TMPRSS7: variants seen among roughly 807,000 people sequenced by gnomAD.
TMPRSS7 encodes the protein transmembrane serine protease 7, also known as transmembrane protease serine 7.
A neutral mutation model predicts 95.6 loss-of-function variants in TMPRSS7; 81 were observed. The observed-to-expected ratio is 0.85, with a 90% CI of 0.71 to 1.02. The LOEUF (loss-of-function observed/expected upper bound fraction) is 1.02. Ranked by LOEUF, TMPRSS7 falls within the 50% of genes least tolerant of loss-of-function variation. TMPRSS7 has a pLI of 0.00. For missense variants in TMPRSS7, 945 were observed against 955.2 expected, an observed-to-expected ratio of 0.99 and a Z score of 0.14; for synonymous variants, 364 against 337.8, an observed-to-expected ratio of 1.08 and a Z score of -0.85.
At chr3:112,045,664 T>A in intron 4 of TMPRSS7, 86 bp from the exon 5 acceptor site, 1 of 1,322,878 alleles carries the variant, frequency 7.6e-7, no homozygotes, top group Non-Finnish European at 1.0e-6. Context: ...ATGTGCTCAT[T>A]GGCCTTACCT....
intron 2 of TMPRSS7, among the ~76,000 whole-genome samples, chr3:112,041,235 C>T (rs552567310): frequency 1.3e-5 from 2 of 152,052 alleles, no homozygotes; most frequent in Admixed American, 6.5e-5. Flanking sequence ...GAGTTCAATC[C>T]TTCTGCCCCT....
At chr3:112,036,399 T>A (rs2073150290) in intron 1 of TMPRSS7, among the ~76,000 whole-genome samples, 1 of 152,098 alleles carries the variant, frequency 6.6e-6, no homozygotes. Flanking sequence ...TGAAACCGCA[T>A]CTCTACTACA....
intron 16 of TMPRSS7, among the ~76,000 whole-genome samples, chr3:112,078,398 C>T (rs187397959): frequency 4.1e-4 from 63 of 152,294 alleles, no homozygotes; most frequent in Non-Finnish European, 7.5e-4. Context: ...ATTTAAAGAG[C>T]TCTCTTGAAT....
At position 112,049,872 on chromosome 3, in the gene TMPRSS7, T is replaced by A. The variant is rs758465977; in HGVS notation, c.988T>A (p.Ser330Thr). The A allele has an allele frequency of 5.8e-6, 9 of 1,545,754 alleles. No homozygotes were observed. The Admixed American group carries it at 7.0e-5, about 12-fold the overall frequency. Residue 330 changes from serine to threonine, a missense_variant, in exon 8 of 18, where the codon TCA (serine) becomes ACA (threonine). Ser to Thr is a moderately conservative substitution (Grantham distance 58, BLOSUM62 1). Transcript: ENST00000452346. The stretch of plus-strand genomic sequence containing the variant: ...TTGTGAACCCACAAGAACATTAATG[T>A]CATTTGTTTCTACAAATAATCTCAT...
At chr3:112,076,164 C>T (rs1257053633) in intron 15 of TMPRSS7, among the ~76,000 whole-genome samples, 1 of 152,178 alleles carries the variant, frequency 6.6e-6, no homozygotes, top group African/African-American at 2.4e-5. Flanking sequence ...ATCAGCTAAG[C>T]AAATTAGTGA....
intron 13 of TMPRSS7, among the ~76,000 whole-genome samples, chr3:112,072,930 C>T (rs2073667962): frequency 6.6e-6 from 1 of 152,172 alleles, no homozygotes; most frequent in African/African-American, 2.4e-5. Context: ...GGTATATACC[C>T]AGTAATGGGA....
At chr3:112,063,500 T>G in intron 11 of TMPRSS7, 25 bp from the exon 12 acceptor site, 1 of 1,582,516 alleles carries the variant, frequency 6.3e-7, no homozygotes, top group Non-Finnish European at 8.7e-7. Context: ...AGATTTTCTA[T>G]TTTTTGATTT....
chr3:112,049,904 G>A, exon 8 of TMPRSS7: 1 of 1,559,136 alleles, frequency 6.4e-7, no homozygotes, highest in Non-Finnish European at 8.8e-7. Flanking sequence ...TCATGTTGGT[G>A]ACATTTAAGT....
At position 112,045,279 on chromosome 3, in the gene TMPRSS7, C is replaced by T. The variant is rs184347081; in HGVS notation, c.498-471C>T. On this transcript the variant is annotated intron_variant, in intron 4 of 17. Transcript: ENST00000452346. The stretch of plus-strand genomic sequence containing the variant: ...TCTCCTGCCTCAGCCTCCCAAGTAG[C>T]TGTGATTACAGGCACCTGCCAGTAT... Among the ~76,000 whole-genome samples, 1,444 of 152,276 alleles carry T rather than the reference C, an allele frequency of 9.5e-3. 14 individuals carry two copies. Among genetic ancestry groups the T allele is most frequent in the Non-Finnish European group, 0.015 (1,016 of 68,022 alleles).
At chr3:112,053,583 C>T (rs949740342) in intron 9 of TMPRSS7, among the ~76,000 whole-genome samples, 2 of 152,296 alleles carry the variant, frequency 1.3e-5, no homozygotes, top group South Asian at 2.1e-4. Context: ...AGTTTGTATT[C>T]TGTTGTCTAT....
chr3:112,065,615 G>T (rs1559960905), intron 12 of TMPRSS7, among the ~76,000 whole-genome samples: 1 of 152,094 alleles, frequency 6.6e-6, no homozygotes, highest in Non-Finnish European at 1.5e-5. Flanking sequence ...TAGGTATACT[G>T]AGGGACCTAA....
intron 11 of TMPRSS7, 72 bp from the exon 12 acceptor site, chr3:112,063,453 T>C (rs2107753755): frequency 8.7e-7 from 1 of 1,152,828 alleles, no homozygotes; most frequent in South Asian, 1.3e-5. Flanking sequence ...CACTTTAAAT[T>C]TGCTAATGTG....
intron 13 of TMPRSS7, among the ~76,000 whole-genome samples, chr3:112,071,317 T>A (rs1396445954): frequency 6.6e-6 from 1 of 152,240 alleles, no homozygotes; most frequent in East Asian, 1.9e-4. Flanking sequence ...AGAGATCCGC[T>A]GTTAGTTTGA....
intron 11 of TMPRSS7, 133 bp from the exon 12 acceptor site, chr3:112,063,392 A>C: frequency 1.5e-6 from 1 of 669,264 alleles, no homozygotes; most frequent in Non-Finnish European, 2.6e-6. Context: ...TCATTTGATG[A>C]AGACACTATG....
intron 9 of TMPRSS7, among the ~76,000 whole-genome samples, chr3:112,053,564 A>G (rs1202069425): frequency 6.6e-6 from 1 of 152,240 alleles, no homozygotes; most frequent in Non-Finnish European, 1.5e-5. Context: ...CAACCAAAAA[A>G]GGGTGTTGAG....
intron 15 of TMPRSS7, 143 bp downstream of exon 15, chr3:112,075,635 G>A (rs541911117): frequency 4.4e-6 from 3 of 676,632 alleles, no homozygotes; most frequent in African/African-American, 1.9e-5. Flanking sequence ...CCACGTGTGT[G>A]ACAAACATTT....
At position 112,042,056 on chromosome 3, in the gene TMPRSS7, G is replaced by A. The variant is rs1307313699; in HGVS notation, c.429+6G>A. On this transcript the variant is annotated splice_donor_region_variant and intron_variant, in intron 3 of 17. Coordinates refer to ENST00000452346, the Ensembl canonical transcript of TMPRSS7. ...CACGGACTGTGCAGCAAGTGGTGAG[G>A]CGATGGAGGTAGAGGGTATTAGGGT... 2 of 1,551,302 alleles carry A rather than the reference G, an allele frequency of 1.3e-6. No homozygotes were observed. The highest frequency in any genetic ancestry group is 2.4e-5 in the South Asian group (2 of 84,048).
At chr3:112,035,852 A>G (rs2073146967) in intron 1 of TMPRSS7, among the ~76,000 whole-genome samples, 1 of 152,220 alleles carries the variant, frequency 6.6e-6, no homozygotes, top group South Asian at 2.1e-4. Flanking sequence ...ATGCACATCA[A>G]TACACTTAAA....
chr3:112,047,013 G>A lies in TMPRSS7; in HGVS notation c.730+1G>A, dbSNP rs2073287232. On this transcript the variant is annotated splice_donor_variant, in intron 6 of 17. Transcript: ENST00000452346. LOFTEE classifies it high-confidence loss of function. Reference sequence around the variant, plus strand: ...GATTACTCGTCAACCATAGGATCTGGTAAATTCTTTCATGTGGTTCCCCCT... The same window carrying A: ...GATTACTCGTCAACCATAGGATCTGATAAATTCTTTCATGTGGTTCCCCCT... 4 of 702,542 alleles carry A rather than the reference G, an allele frequency of 5.7e-6. No individual in the cohort carries two copies. 43.5% of individuals were successfully genotyped at this position (702,542 alleles called of 1,614,324 possible). A position where few individuals can be genotyped will look rare whatever the true frequency, so the allele number is the denominator to read the frequency against.
Sources: allele counts gnomAD v4.1 joint callset (sites outside exome capture counted in the v4.1 genomes callset), GRCh38; gene constraint gnomAD v4.1.1; transcripts MANE v1.5; gene names NCBI Gene and HGNC (gene_info 2026-07-23, HGNC 2026-07-21).